The following TMEM45A variants were observed in gnomAD, a reference collection of about 807,000 sequenced individuals.
TMEM45A encodes transmembrane protein 45A.
TMEM45A carries 25 observed loss-of-function variants against 32.0 expected under a neutral mutation model. The observed-to-expected ratio is 0.78, with a 90% CI of 0.57 to 1.09. The LOEUF is 1.09. Ranked by LOEUF, TMEM45A falls within the 50% of genes least tolerant of loss-of-function variation. The probability of loss-of-function intolerance (pLI) is 0.00; values close to 1 mark genes in which losing one functional copy is unlikely to be tolerated. For missense variants in TMEM45A, 302 were observed against 325.0 expected, an observed-to-expected ratio of 0.93 and a Z score of 0.54; for synonymous variants, 122 against 114.8, an observed-to-expected ratio of 1.06 and a Z score of -0.40.
At chr3:100,560,672 T>A (rs749334020) in intron 4 of TMEM45A, among the ~76,000 whole-genome samples, 3 of 152,134 alleles carry the variant, frequency 2.0e-5, no homozygotes, top group Non-Finnish European at 2.9e-5. Context: ...CTCTGTTTGG[T>A]TTAGGAGTCC....
intron 1 of TMEM45A, among the ~76,000 whole-genome samples, chr3:100,533,740 T>C (rs1279470514): frequency 1.3e-5 from 2 of 152,186 alleles, no homozygotes; most frequent in Non-Finnish European, 1.5e-5. Context: ...AACAAACCTA[T>C]GACATGAGGC....
At chr3:100,513,485 A>G (rs1266039388) in intron 1 of TMEM45A, among the ~76,000 whole-genome samples, 1 of 150,532 alleles carries the variant, frequency 6.6e-6, no homozygotes, top group Non-Finnish European at 1.5e-5. Flanking sequence ...TCAAAATAAT[A>G]AGAGCTATCT....
At chr3:100,509,476 C>A (rs1348089489) in intron 1 of TMEM45A, among the ~76,000 whole-genome samples, 1 of 152,186 alleles carries the variant, frequency 6.6e-6, no homozygotes, top group African/African-American at 2.4e-5. Flanking sequence ...AAGGGGATAC[C>A]TGTACTCCCA....
intron 1 of TMEM45A, among the ~76,000 whole-genome samples, chr3:100,512,427 C>G (rs1056209317): frequency 8.6e-5 from 13 of 151,978 alleles, no homozygotes; most frequent in East Asian, 5.8e-4. Context: ...TGAAACCAAC[C>G]AGAACAAAGA....
chr3:100,554,564 G>T (rs1446724604), intron 1 of TMEM45A, among the ~76,000 whole-genome samples: 1 of 152,228 alleles, frequency 6.6e-6, no homozygotes, highest in Non-Finnish European at 1.5e-5. Context: ...AATCTAACTG[G>T]AGGGAGAGGC....
In TMEM45A at chr3:100,510,158, TG is replaced by T. The variant is rs1006295948; in HGVS notation, c.-4+17235del. Among the ~76,000 whole-genome samples, 18 of 152,362 alleles carry T rather than the reference TG, an allele frequency of 1.2e-4. 1 individual carries two copies. The highest frequency in any genetic ancestry group is 2.2e-4 in the Non-Finnish European group (15 of 68,026). ...TGCCTGCCTCTGTAGGCTCCACCTC[TG>T]GGGGCAGGGCACAGACAAACAAAAA... On this transcript the variant is annotated intron_variant, in intron 1 of 5. Transcript: ENST00000323523.
chr3:100,538,287 A>G (rs1705782597), intron 1 of TMEM45A, among the ~76,000 whole-genome samples: 1 of 152,214 alleles, frequency 6.6e-6, no homozygotes, highest in Non-Finnish European at 1.5e-5. Flanking sequence ...AATTTCTAAA[A>G]CTGGCATTCA....
At position 100,568,742 on chromosome 3, in the gene TMEM45A, G is replaced by T. The variant is rs80151771; in HGVS notation, c.589-80G>T. 14 of 1,336,710 alleles carry T rather than the reference G, an allele frequency of 1.0e-5. No homozygotes were observed. The South Asian group carries it at 1.2e-4, about 11-fold the overall frequency. The allele number at this position is 1,336,710 out of a possible 1,614,324, so 82.8% of individuals were successfully genotyped here. On this transcript the variant is annotated intron_variant, in intron 4 of 5. Coordinates refer to ENST00000323523, the MANE Select transcript of TMEM45A (RefSeq NM_018004.3). ...TGGAGTTAACTTAGTTATTTACCTC[G>T]GAAGCAAGTATTTTGAAATGTACCA...
rs140506547 is a variant in TMEM45A, at chr3:100,493,463, C to T, written c.-4+535C>T. ...ACTTAAATCTGGAGGTAGTTGCAAGCCAAATATATATCTTTTCGGTATTCT... is the reference window on the plus strand; with the variant it reads ...ACTTAAATCTGGAGGTAGTTGCAAGTCAAATATATATCTTTTCGGTATTCT... On this transcript the variant is annotated intron_variant, in intron 1 of 5. Transcript: ENST00000323523. 5.8e-3 allele frequency among the ~76,000 whole-genome samples: 882 copies of T among 151,944 alleles called. 10 individuals are homozygous for T. The highest frequency in any genetic ancestry group is 0.019 in the African/African-American group (792 of 41,438).
chr3:100,511,270 A>G (rs1184013622), intron 1 of TMEM45A, among the ~76,000 whole-genome samples: 1 of 152,268 alleles, frequency 6.6e-6, no homozygotes, highest in African/African-American at 2.4e-5. Flanking sequence ...CTAACAGCGG[A>G]TGTCTCGGCA....
chr3:100,568,742 G>A lies in TMEM45A; in HGVS notation c.589-80G>A, dbSNP rs80151771. The A allele has an allele frequency of 2.4e-3, 3,186 of 1,336,816 alleles. 54 individuals are homozygous for A. The African/African-American group carries it at 0.04, about 17-fold the overall frequency. The allele number at this position is 1,336,816 out of a possible 1,614,324, so 82.8% of individuals were successfully genotyped here. ...TGGAGTTAACTTAGTTATTTACCTC[G>A]GAAGCAAGTATTTTGAAATGTACCA... On this transcript the variant is annotated intron_variant, in intron 4 of 5. Coordinates refer to ENST00000323523, the MANE Select transcript of TMEM45A (RefSeq NM_018004.3).
intron 1 of TMEM45A, among the ~76,000 whole-genome samples, chr3:100,516,622 C>T (rs971487051): frequency 2.0e-5 from 3 of 152,122 alleles, no homozygotes; most frequent in African/African-American, 7.2e-5. Flanking sequence ...GCCTTTCTGT[C>T]AGCAACTCTC....
At chr3:100,557,829 C>T (rs753844011) in intron 3 of TMEM45A, among the ~76,000 whole-genome samples, 1 of 152,166 alleles carries the variant, frequency 6.6e-6, no homozygotes, top group Admixed American at 6.5e-5. Flanking sequence ...AATCTGTCTA[C>T]AGGATGAAGA....
chr3:100,554,252 G>A (rs1347442456), intron 1 of TMEM45A, among the ~76,000 whole-genome samples: 3 of 152,004 alleles, frequency 2.0e-5, no homozygotes. Flanking sequence ...CCACTATGTG[G>A]CAATAATGTA....
chr3:100,548,575 C>T (rs918709039), intron 1 of TMEM45A, among the ~76,000 whole-genome samples: 1 of 152,198 alleles, frequency 6.6e-6, no homozygotes, highest in Non-Finnish European at 1.5e-5. Flanking sequence ...GAACGATCTC[C>T]TCCATCAGGC....
chr3:100,509,601 G>A (rs1227295758), intron 1 of TMEM45A, among the ~76,000 whole-genome samples: 1 of 152,160 alleles, frequency 6.6e-6, no homozygotes, highest in African/African-American at 2.4e-5. Context: ...ATGAAATATT[G>A]AGGGATGGAG....
intron 1 of TMEM45A, among the ~76,000 whole-genome samples, 192 bp downstream of exon 1, chr3:100,493,120 CTTTTTTT>C (rs570241165): frequency 0.23 from 26,542 of 115,786 alleles, 2,894 homozygotes; most frequent in Non-Finnish European, 0.31. Context: ...GTTTGCTATT[CTTTTTTT>C]TTTTTTTTTT....
intron 1 of TMEM45A, among the ~76,000 whole-genome samples, chr3:100,529,864 T>G (rs1705613729): frequency 6.6e-6 from 1 of 152,094 alleles, no homozygotes; most frequent in South Asian, 2.1e-4. Context: ...GTGATCCACA[T>G]GCCTCGGTCT....
intron 1 of TMEM45A, among the ~76,000 whole-genome samples, chr3:100,531,125 C>T (rs186717271): frequency 1.2e-4 from 18 of 152,126 alleles, no homozygotes; most frequent in South Asian, 8.3e-4. Flanking sequence ...ATTCTAAATT[C>T]GATCATTTCT....
Sources: allele counts gnomAD v4.1 joint callset (sites outside exome capture counted in the v4.1 genomes callset), GRCh38; gene constraint gnomAD v4.1.1; transcripts MANE v1.5; gene names NCBI Gene and HGNC (gene_info 2026-07-23, HGNC 2026-07-21).